Variants in C7orf33 observed in about 807,000 individuals in gnomAD.
The protein encoded by C7orf33 is chromosome 7 open reading frame 33, also known as uncharacterized protein C7orf33.
C7orf33 carries 15 observed loss-of-function variants against 13.4 expected under a neutral mutation model. That is an observed-to-expected ratio of 1.12 (90% confidence interval 0.75 to 1.72). C7orf33 has a LOEUF of 1.72. C7orf33 is among the 40% of genes most tolerant of loss of function. C7orf33 has a pLI of 0.00. For missense variants in C7orf33, 187 were observed against 220.3 expected, an observed-to-expected ratio of 0.85 and a Z score of 0.96; for synonymous variants, 73 against 83.2, an observed-to-expected ratio of 0.88 and a Z score of 0.67.
chr7:148,595,678 T>C (rs1465139031), intron 1 of C7orf33, among the ~76,000 whole-genome samples: 2 of 86,906 alleles, frequency 2.3e-5, no homozygotes, highest in Non-Finnish European at 4.0e-5. Flanking sequence ...ATAGATATAA[T>C]ATAGATCTAT....
intron 1 of C7orf33, among the ~76,000 whole-genome samples, chr7:148,601,204 C>T (rs913478561): frequency 7.2e-5 from 11 of 152,070 alleles, no homozygotes; most frequent in African/African-American, 9.7e-5. Context: ...ACTGTTTTGG[C>T]GGCTTCCCAC....
chr7:148,598,751 TATATATATATATAG>T (rs1168898355), intron 1 of C7orf33, among the ~76,000 whole-genome samples: 103 of 68,576 alleles, frequency 1.5e-3, no homozygotes, highest in East Asian at 2.9e-3. Context: ...TATATATATA[TATATATATATATAG>T]AGAGAGAGAG....
chr7:148,612,991 A>G (rs1035324649), intron 1 of C7orf33, among the ~76,000 whole-genome samples: 14 of 152,166 alleles, frequency 9.2e-5, no homozygotes, highest in Non-Finnish European at 1.9e-4. Flanking sequence ...TTCTTGTGCC[A>G]TAAACATTCA....
intron 1 of C7orf33, among the ~76,000 whole-genome samples, chr7:148,601,415 G>A (rs1018078373): frequency 2.0e-5 from 3 of 151,708 alleles, no homozygotes; most frequent in African/African-American, 4.8e-5. Flanking sequence ...GCACAATCTC[G>A]GCTCACCGCA....
At position 148,591,009 on chromosome 7, in the gene C7orf33, G is replaced by T. The variant is rs1796262180; in HGVS notation, c.84G>T (p.Leu28=). Residue 28 remains leucine (L), a synonymous_variant, in exon 1 of 3, where the codon CTG becomes CTT. Transcript: ENST00000307003. ...CCCAATGTGAATGTGAAGCCCTCCTGCCCAGTGGGGCAAGGCGCCGGATTG... is the reference window on the plus strand; with the variant it reads ...CCCAATGTGAATGTGAAGCCCTCCTTCCCAGTGGGGCAAGGCGCCGGATTG... ...PGPQCECEAL[L]PSGARRRIDL... is the part of the protein sequence containing the mutation. 1 of 1,614,076 alleles carries T rather than the reference G, an allele frequency of 6.2e-7. No individual in the cohort carries two copies. Among genetic ancestry groups the T allele is most frequent in the Non-Finnish European group, 8.5e-7 (1 of 1,180,034 alleles).
intron 1 of C7orf33, among the ~76,000 whole-genome samples, chr7:148,611,372 G>C (rs1176345706): frequency 6.6e-6 from 1 of 152,118 alleles, no homozygotes; most frequent in Non-Finnish European, 1.5e-5. Flanking sequence ...CACACAAGCA[G>C]CTGAATGTCG....
At position 148,614,291 on chromosome 7, in the gene C7orf33, C is replaced by G; in HGVS notation, c.454C>G (p.Leu152Val). ...KPGRTVTSSY[L>V]NVRGHEVRKL... ...TGGGAGGACAGTGACAAGTTCATAC[C>G]TAAACGTAAGCTCCGAAGTGTCTTA... is the stretch of plus-strand genomic sequence containing the variant. Residue 152 changes from leucine to valine, a missense_variant, in exon 2 of 3, where the codon CTA becomes GTA. By Grantham distance (32) the Leu-to-Val change is conservative. Coordinates refer to ENST00000307003, the MANE Select transcript of C7orf33 (RefSeq NM_145304.4). The G allele has an allele frequency of 6.2e-7, 1 of 1,613,854 alleles. No individual in the cohort carries two copies. Among genetic ancestry groups the G allele is most frequent in the Non-Finnish European group, 8.5e-7 (1 of 1,179,790 alleles).
chr7:148,601,580 C>T (rs1319192718), intron 1 of C7orf33, among the ~76,000 whole-genome samples: 1 of 152,152 alleles, frequency 6.6e-6, no homozygotes, highest in Non-Finnish European at 1.5e-5. Context: ...CTCCTGGACT[C>T]AAGCAATCTG....
At chr7:148,604,996 C>T (rs1264180811) in intron 1 of C7orf33, among the ~76,000 whole-genome samples, 1 of 152,178 alleles carries the variant, frequency 6.6e-6, no homozygotes, top group Non-Finnish European at 1.5e-5. Context: ...CTTCGGGATG[C>T]CAAGTTGGGT....
intron 1 of C7orf33, among the ~76,000 whole-genome samples, chr7:148,604,553 CAG>C (rs1491336919): frequency 6.6e-6 from 1 of 152,104 alleles, no homozygotes. Flanking sequence ...TTTGGGGACT[CAG>C]GGGAAAGGGT....
intron 1 of C7orf33, among the ~76,000 whole-genome samples, chr7:148,597,058 A>T (rs1796347882): frequency 6.6e-6 from 1 of 151,772 alleles, no homozygotes; most frequent in African/African-American, 2.4e-5. Context: ...TTTTTCATTT[A>T]CCTACTGGAG....
chr7:148,594,656 T>G (rs1157699059), intron 1 of C7orf33, among the ~76,000 whole-genome samples: 1 of 152,154 alleles, frequency 6.6e-6, no homozygotes, highest in Non-Finnish European at 1.5e-5. Context: ...GGTGACAGTT[T>G]GTAGGGAGAT....
At chr7:148,612,436 T>C (rs537200007) in intron 1 of C7orf33, among the ~76,000 whole-genome samples, 1 of 152,294 alleles carries the variant, frequency 6.6e-6, no homozygotes, top group East Asian at 1.9e-4. Context: ...TTTTATGCTA[T>C]AAAATGTATT....
rs1176681066 is a variant in C7orf33, at chr7:148,615,330, C to T, written c.463C>T (p.Arg155Cys). The T allele has an allele frequency of 4.4e-6, 7 of 1,606,436 alleles. No homozygotes were observed. The highest frequency in any genetic ancestry group is 2.2e-5 in the East Asian group (1 of 44,830). ...RTVTSSYLNV[R>C]GHEVRKLQNS... ...AGTCTTCGTAATCCACATGTAGGTA[C>T]GTGGGCATGAAGTAAGAAAGCTCCA... Residue 155 changes from arginine to cysteine, a missense_variant, in exon 3 of 3, where the codon CGT (arginine) becomes TGT (cysteine). Physicochemically the swap from Arg to Cys is radical, Grantham distance 180 (BLOSUM62 -3). Coordinates refer to ENST00000307003, the MANE Select transcript of C7orf33 (RefSeq NM_145304.4).
chr7:148,615,262 A>G (rs1004612385), intron 2 of C7orf33, 65 bp from the exon 3 acceptor site: 5 of 1,080,508 alleles, frequency 4.6e-6, no homozygotes, highest in East Asian at 2.4e-5. Context: ...AAACTGTGCT[A>G]TTGATGTTCT....
intron 1 of C7orf33, among the ~76,000 whole-genome samples, chr7:148,594,468 G>A (rs1297114825): frequency 2.0e-5 from 3 of 152,028 alleles, no homozygotes; most frequent in Non-Finnish European, 2.9e-5. Flanking sequence ...GAACCACCGC[G>A]CCCGACCAAC....
At chr7:148,594,870 T>C (rs1796310243) in intron 1 of C7orf33, among the ~76,000 whole-genome samples, 1 of 152,042 alleles carries the variant, frequency 6.6e-6, no homozygotes, top group Non-Finnish European at 1.5e-5. Flanking sequence ...ATGTTATGGT[T>C]CAGGAACCTA....
At chr7:148,610,395 A>G (rs920170559) in intron 1 of C7orf33, among the ~76,000 whole-genome samples, 9 of 152,168 alleles carry the variant, frequency 5.9e-5, no homozygotes, top group African/African-American at 2.2e-4. Flanking sequence ...AGACTGGCCT[A>G]GCTTCCCAGC....
At chr7:148,601,611 T>G (rs1468756579) in intron 1 of C7orf33, among the ~76,000 whole-genome samples, 2 of 152,230 alleles carry the variant, frequency 1.3e-5, no homozygotes, top group African/African-American at 4.8e-5. Context: ...TCTCCCAAAG[T>G]GCTGGGATTA....
Sources: allele counts gnomAD v4.1 joint callset (sites outside exome capture counted in the v4.1 genomes callset), GRCh38; gene constraint gnomAD v4.1.1; transcripts MANE v1.5; gene names NCBI Gene and HGNC (gene_info 2026-07-23, HGNC 2026-07-21).